Variants in TLE1 observed in about 807,000 individuals in gnomAD.
The protein encoded by TLE1 is transducin-like enhancer protein 1.
A neutral mutation model predicts 89.8 loss-of-function variants in TLE1; 21 were observed. That is an observed-to-expected ratio of 0.23 (90% CI 0.17 to 0.34). The LOEUF (loss-of-function observed/expected upper bound fraction) is 0.34, where lower values mean the gene tolerates loss of function less well. Ranked by LOEUF, TLE1 falls within the 10% of genes least tolerant of loss-of-function variation. The probability of loss-of-function intolerance (pLI) is 1.00; values close to 1 mark genes in which losing one functional copy is unlikely to be tolerated. For synonymous variants in TLE1, 447 were observed against 407.6 expected (o/e 1.10, Z -1.16); for missense variants, 795 against 1,031.2 (o/e 0.77, Z 3.14).
At chr9:81,687,501 G>C (rs754150410) in intron 1 of TLE1, 67 bp from the exon 2 acceptor site, 14 of 1,227,728 alleles carry the variant, frequency 1.1e-5, no homozygotes, top group South Asian at 3.8e-5. Flanking sequence ...CAGTAAGTCA[G>C]AGAAGGCAAG....
intron 5 of TLE1, among the ~76,000 whole-genome samples, chr9:81,653,455 T>C (rs1829795883): frequency 6.6e-6 from 1 of 152,240 alleles, no homozygotes; most frequent in Admixed American, 6.5e-5. Context: ...TAAACCTCTA[T>C]GACTTTGTAA....
intron 5 of TLE1, among the ~76,000 whole-genome samples, chr9:81,653,512 A>G (rs2132645171): frequency 6.6e-6 from 1 of 152,350 alleles, no homozygotes; most frequent in South Asian, 2.1e-4. Context: ...AAGTTAATGT[A>G]TTTTGGACTA....
At chr9:81,618,597 A>G (rs991806428) in intron 9 of TLE1, among the ~76,000 whole-genome samples, 7 of 152,236 alleles carry the variant, frequency 4.6e-5, no homozygotes, top group African/African-American at 1.7e-4. Flanking sequence ...TTCATGCAAT[A>G]AAGAACAAAA....
At position 81,688,328 on chromosome 9, in the gene TLE1, C is replaced by A. The variant is rs143943648; in HGVS notation, c.-88G>T. The A allele has an allele frequency of 1.1e-3, 1,468 of 1,388,242 alleles. 14 individuals carry two copies. The African/African-American group carries it at 0.02, about 19-fold the overall frequency. The allele number at this position is 1,388,242 out of a possible 1,614,324, so 86.0% of individuals were successfully genotyped here. On this transcript the variant is annotated 5_prime_UTR_variant, in exon 1 of 20. Coordinates refer to ENST00000376499, the MANE Select transcript of TLE1 (RefSeq NM_005077.5). ...TTAATCCCGCCGAGGAAAATTAAGC[C>A]GGAAAGCCAAGCAGAAGCGGGGAGC...
At position 81,689,472 on chromosome 9, in the gene TLE1, T is replaced by C. The variant is rs1374115457; in HGVS notation, c.-1232A>G. 1.3e-5 allele frequency among the ~76,000 whole-genome samples: 2 copies of C among 152,110 alleles called. No homozygotes were observed. Among genetic ancestry groups the C allele is most frequent in the Non-Finnish European group, 2.9e-5 (2 of 68,002 alleles). On this transcript the variant is annotated 5_prime_UTR_variant, in exon 1 of 20. Transcript: ENST00000376499. ...ACGCGGGGCACAGAGTACCCGCCGC[T>C]GTTTCTGCTGCTGCTGCTTCTGCAG...
In TLE1 at chr9:81,637,356, CTCCAAAAGAAAAAAGATGA is replaced by C. The variant is rs1279813749; in HGVS notation, c.373-3074_373-3056del. On this transcript the variant is annotated intron_variant, in intron 6 of 19. Coordinates refer to ENST00000376499, the MANE Select transcript of TLE1 (RefSeq NM_005077.5). The stretch of plus-strand genomic sequence containing the variant: ...CTGGGTGACAAGAGTGAGACTCAGT[CTCCAAAAGAAAAAAGATGA>C]ACTGGGTAGTAGATTCTGATATCTT... Among the ~76,000 whole-genome samples, 6 of 152,258 alleles carry C rather than the reference CTCCAAAAGAAAAAAGATGA, an allele frequency of 3.9e-5. No homozygotes were observed. In the East Asian group the frequency reaches 1.2e-3, roughly 29 times the overall value.
chr9:81,673,026 A>C (rs1406054145), intron 4 of TLE1, among the ~76,000 whole-genome samples: 1 of 151,848 alleles, frequency 6.6e-6, no homozygotes, highest in Non-Finnish European at 1.5e-5. Context: ...TAATCCCAGC[A>C]CTTTGGGAGG....
At chr9:81,611,629 G>A in intron 13 of TLE1, 140 bp downstream of exon 13, 1 of 768,308 alleles carries the variant, frequency 1.3e-6, no homozygotes, top group East Asian at 3.4e-5. Flanking sequence ...CTGGGAGACT[G>A]GGCGTCTTTG....
chr9:81,680,843 T>TAG (rs949877670), intron 4 of TLE1, among the ~76,000 whole-genome samples: 15 of 151,330 alleles, frequency 9.9e-5, no homozygotes, highest in Admixed American at 5.3e-4. Flanking sequence ...GCCTATACTC[T>TAG]AGCTAGTCAT....
At position 81,611,813 on chromosome 9, in the gene TLE1, C is replaced by T. The variant is rs779077645; in HGVS notation, c.1210G>A (p.Ala404Thr). ...GCCACCACGGCGGCCGCGGCGGCTG[C>T]GGCGCTCATCTGGGGCGACATGTTG... ...LHNMSPQMSA[A>T]AAAAAVVAYG... Residue 404 changes from alanine (A) to threonine (T), a missense_variant, in exon 13 of 20, where the codon GCA becomes ACA. Transcript: ENST00000376499. 8 of 1,552,510 alleles carry T rather than the reference C, an allele frequency of 5.2e-6. No homozygotes were observed. In the East Asian group the frequency reaches 7.6e-5, roughly 15 times the overall value.
intron 4 of TLE1, among the ~76,000 whole-genome samples, chr9:81,675,709 T>TTTGTTTG (rs1365988314): frequency 8.2e-5 from 11 of 134,202 alleles, no homozygotes; most frequent in African/African-American, 3.2e-4. Flanking sequence ...TTTTTTTTTG[T>TTTGTTTG]TTTTTTTTTT....
chr9:81,623,798 A>T (rs1208712259), intron 8 of TLE1, among the ~76,000 whole-genome samples: 4 of 152,074 alleles, frequency 2.6e-5, no homozygotes, highest in African/African-American at 9.7e-5. Context: ...TCAAAAAAAT[A>T]ATAAAATGAA....
At chr9:81,686,360 G>C (rs917856821) in intron 2 of TLE1, among the ~76,000 whole-genome samples, 11 of 152,260 alleles carry the variant, frequency 7.2e-5, no homozygotes, top group African/African-American at 2.6e-4. Context: ...CAAAACCTTT[G>C]GTTTTTAAAT....
At chr9:81,686,061 G>T (rs1454288804) in intron 2 of TLE1, among the ~76,000 whole-genome samples, 165 bp from the exon 3 acceptor site, 1 of 152,120 alleles carries the variant, frequency 6.6e-6, no homozygotes, top group African/African-American at 2.4e-5. Context: ...TAGGGAAAAG[G>T]AATAATGTGA....
intron 6 of TLE1, among the ~76,000 whole-genome samples, chr9:81,648,948 A>G (rs1829207935): frequency 6.6e-6 from 1 of 152,154 alleles, no homozygotes; most frequent in Non-Finnish European, 1.5e-5. Flanking sequence ...AAACCAAATA[A>G]ACCTTGTACA....
chr9:81,585,283 G>C (rs887104052), intron 18 of TLE1, among the ~76,000 whole-genome samples: 4 of 151,924 alleles, frequency 2.6e-5, no homozygotes, highest in Non-Finnish European at 4.4e-5. Flanking sequence ...TGTCCAAACC[G>C]TGTATTAGGC....
chr9:81,633,196 A>G, intron 8 of TLE1, 152 bp downstream of exon 8: 1 of 1,352,826 alleles, frequency 7.4e-7, no homozygotes, highest in Non-Finnish European at 9.7e-7. Context: ...AAAGGAAAAA[A>G]AGTAAAAGAA....
chr9:81,650,717 G>C (rs1829430824), intron 6 of TLE1, among the ~76,000 whole-genome samples: 1 of 152,068 alleles, frequency 6.6e-6, no homozygotes, highest in Admixed American at 6.6e-5. Context: ...TGAAGGAGGG[G>C]GAAGGCAGTG....
At chr9:81,615,122 G>A (rs111812077) in intron 11 of TLE1, among the ~76,000 whole-genome samples, 1,151 of 74,036 alleles carry the variant, frequency 0.016, 34 homozygotes, top group African/African-American at 0.034. Flanking sequence ...AAAAAAAAAA[G>A]AAGAAGAAGA....
Sources: gnomAD v4.1 joint callset for allele counts (sites outside exome capture counted in the v4.1 genomes callset) on GRCh38, gnomAD v4.1.1 for gene constraint, MANE v1.5 for transcripts, NCBI Gene and HGNC (gene_info 2026-07-23, HGNC 2026-07-21) for gene names.